The following CPZ variants were observed in gnomAD, a reference collection of about 807,000 sequenced individuals.
CPZ encodes the protein carboxypeptidase Z, also known as VEZT/CPZ fusion.
A neutral mutation model predicts 61.8 loss-of-function variants in CPZ; 103 were observed. The ratio of observed to expected loss-of-function variants is 1.67; its 90% CI spans 1.42 to 1.96. The LOEUF is 1.96. Ranked by LOEUF, CPZ falls within the 30% of genes most tolerant of loss-of-function variation. The pLI, the probability that CPZ is intolerant of heterozygous loss-of-function variation, is 0.00. For missense variants in CPZ, 1,461 were observed against 914.9 expected (o/e 1.60, Z -7.70); for synonymous variants, 551 against 373.7 (o/e 1.47, Z -5.47).
rs1560295468 is a variant in CPZ, at chr4:8,606,796, C to T, written c.966C>T (p.Asn322=). The T allele has an allele frequency of 1.2e-6, 2 of 1,614,172 alleles. No individual in the cohort carries two copies. Among genetic ancestry groups the T allele is most frequent in the Non-Finnish European group, 1.7e-6 (2 of 1,180,026 alleles). Residue 322 remains asparagine (N), a synonymous_variant, in exon 6 of 11, where the codon AAC becomes AAT. Coordinates refer to ENST00000360986, the MANE Select transcript of CPZ (RefSeq NM_001014447.3). ...AGAACGCGCAGAACCTGGATCTGAA[C>T]CGAAATTTCCCGGACCTGACGTCCG... ...GRQNAQNLDL[N]RNFPDLTSEY...
intron 8 of CPZ, 109 bp from the exon 9 acceptor site, chr4:8,614,250 G>T (rs374211765): frequency 3.5e-6 from 5 of 1,449,166 alleles, no homozygotes; most frequent in East Asian, 4.7e-5. Flanking sequence ...GTCTCTGCGC[G>T]GCTGACACCC....
chr4:8,609,226 A>ATT (rs1469827243), intron 7 of CPZ, among the ~76,000 whole-genome samples: 13 of 23,072 alleles, frequency 5.6e-4, no homozygotes, highest in Admixed American at 9.5e-4. Flanking sequence ...TCACTTACTC[A>ATT]CTCATTGTCA....
At chr4:8,616,800 C>A (rs1181397640) in intron 9 of CPZ, among the ~76,000 whole-genome samples, 3 of 152,210 alleles carry the variant, frequency 2.0e-5, no homozygotes, top group Admixed American at 2.0e-4. Context: ...AAATGCGAGT[C>A]CATGAGACAT....
At chr4:8,611,946 A>C in intron 7 of CPZ, 81 bp from the exon 8 acceptor site, 1 of 1,600,508 alleles carries the variant, frequency 6.2e-7, no homozygotes, top group Admixed American at 1.7e-5. Context: ...TTGCACGCGC[A>C]GCTCCTCCCC....
intron 3 of CPZ, among the ~76,000 whole-genome samples, chr4:8,601,751 C>T (rs1458975974): frequency 1.3e-5 from 2 of 152,160 alleles, no homozygotes; most frequent in African/African-American, 4.8e-5. Context: ...CCCTTAGAGG[C>T]AGGCTGGGGT....
chr4:8,613,714 C>T (rs1284429156), intron 8 of CPZ, among the ~76,000 whole-genome samples: 2 of 152,234 alleles, frequency 1.3e-5, no homozygotes, highest in Non-Finnish European at 2.9e-5. Flanking sequence ...GCACAGAGGG[C>T]AGAAGCGGGT....
At chr4:8,592,953 C>T (rs1177380831) in intron 1 of CPZ, 32 bp downstream of exon 1, 2 of 1,473,228 alleles carry the variant, frequency 1.4e-6, no homozygotes, top group East Asian at 2.5e-5. Context: ...ACCCTCCACC[C>T]TCCACCCTGC....
At chr4:8,611,132 T>C in intron 7 of CPZ, 2 of 432,648 alleles carry the variant, frequency 4.6e-6, no homozygotes, top group Non-Finnish European at 9.6e-6. Flanking sequence ...CTGTCCACCC[T>C]CTAGTGTCCT....
At chr4:8,613,857 G>A (rs1715923602) in intron 8 of CPZ, among the ~76,000 whole-genome samples, 1 of 152,234 alleles carries the variant, frequency 6.6e-6, no homozygotes, top group Admixed American at 6.5e-5. Flanking sequence ...CTCTGGTCAG[G>A]ACAGCGTCTG....
intron 8 of CPZ, among the ~76,000 whole-genome samples, chr4:8,612,933 T>A (rs1438199117): frequency 6.6e-6 from 1 of 152,210 alleles, no homozygotes; most frequent in African/African-American, 2.4e-5. Flanking sequence ...TCTTGCACAC[T>A]CTGAAGCCAT....
chr4:8,607,526 C>G (rs1715142631), intron 7 of CPZ, 101 bp downstream of exon 7: 1 of 1,365,308 alleles, frequency 7.3e-7, no homozygotes, highest in Non-Finnish European at 9.9e-7. Context: ...GGCAAAGCTC[C>G]TAGGAACCTC....
At chr4:8,617,818 C>G (rs934321203) in intron 9 of CPZ, among the ~76,000 whole-genome samples, 1 of 152,256 alleles carries the variant, frequency 6.6e-6, no homozygotes, top group South Asian at 2.1e-4. Flanking sequence ...AACTGTTTTA[C>G]AAGAAATGTG....
At chr4:8,601,617 T>C in intron 3 of CPZ, 120 bp downstream of exon 3, 1 of 1,136,248 alleles carries the variant, frequency 8.8e-7, no homozygotes, top group South Asian at 1.9e-5. Flanking sequence ...CAGGCATTGG[T>C]AGAGGGCGGG....
rs1298582822 is a variant in CPZ, at chr4:8,608,988, A to ATTCACTCT, written c.1227+1570_1227+1577dup. ...CCTGCATTTGTTCATTCTTCCACCC[A>ATTCACTCT]TTCACTCTTTCACTTGTTCATCATT... On this transcript the variant is annotated intron_variant, in intron 7 of 10. Coordinates refer to ENST00000360986, the MANE Select transcript of CPZ (RefSeq NM_001014447.3). 3.0e-5 allele frequency among the ~76,000 whole-genome samples: 3 copies of ATTCACTCT among 98,752 alleles called. No individual in the cohort carries two copies. The East Asian group carries it at 8.5e-4, about 28-fold the overall frequency. 64.8% of individuals were successfully genotyped at this position (98,752 alleles called of 152,430 possible).
At chr4:8,609,007 C>A (rs1423419163) in intron 7 of CPZ, among the ~76,000 whole-genome samples, 1 of 63,544 alleles carries the variant, frequency 1.6e-5, no homozygotes, top group Non-Finnish European at 3.4e-5. Flanking sequence ...TTCACTTGTT[C>A]ATCATTCATT....
At chr4:8,614,284 G>T in intron 8 of CPZ, 75 bp from the exon 9 acceptor site, 2 of 1,500,946 alleles carry the variant, frequency 1.3e-6, no homozygotes. Context: ...GTCTCTGTGC[G>T]GCTGACACCC....
chr4:8,602,563 C>G (rs1272917559), intron 3 of CPZ: 3 of 152,294 alleles, frequency 2.0e-5, no homozygotes, highest in Admixed American at 2.0e-4. Flanking sequence ...CTAGCTCACG[C>G]GAGTCTCACG....
intron 1 of CPZ, chr4:8,597,656 A>T (rs917413534): frequency 6.6e-6 from 1 of 152,194 alleles, no homozygotes; most frequent in African/African-American, 2.4e-5. Flanking sequence ...GTGCTTTAGG[A>T]AAACAGTGCC....
chr4:8,614,462 GCAC>G lies in CPZ; in HGVS notation c.1468_1470del (p.His490del), dbSNP rs763235242. 27 of 1,613,962 alleles carry G rather than the reference GCAC, an allele frequency of 1.7e-5. No homozygotes were observed. The highest frequency in any genetic ancestry group is 2.2e-5 in the Non-Finnish European group (26 of 1,179,936). On this transcript the variant is annotated inframe_deletion, in exon 9 of 11. Transcript: ENST00000360986. ...AGGAGGCCCTGTACATACTCTGGCA[GCAC>G]AACAAGGAGTCACTCCTGAATTTCG...
Sources: gnomAD v4.1 joint callset for allele counts (sites outside exome capture counted in the v4.1 genomes callset) on GRCh38, gnomAD v4.1.1 for gene constraint, MANE v1.5 for transcripts, NCBI Gene and HGNC (gene_info 2026-07-23, HGNC 2026-07-21) for gene names.